YLPM1: variants seen among roughly 807,000 people sequenced by gnomAD.
The protein encoded by YLPM1 is YLP motif containing 1.
Under a neutral mutation model 230.0 loss-of-function variants are expected in YLPM1, and 99 were observed. That is an observed-to-expected ratio of 0.43 (90% CI 0.37 to 0.51). The LOEUF (loss-of-function observed/expected upper bound fraction) is 0.51. YLPM1 is among the 20% of genes least tolerant of loss of function. YLPM1 has a pLI of 0.00. For missense variants in YLPM1, 2,592 were observed against 2,707.7 expected (o/e 0.96, Z 0.95); for synonymous variants, 984 against 942.5 (o/e 1.04, Z -0.81).
In YLPM1 at chr14:74,778,665, C is replaced by G; in HGVS notation, c.1092C>G (p.Leu364=). The change falls in exon 2 of 21, where the codon CTC becomes CTG. Residue 364 remains leucine (L), a synonymous_variant. Transcript: ENST00000325680. The stretch of plus-strand genomic sequence containing the variant: ...CAAATGAGGAAGTGCCACCTCCTCT[C>G]CCACCTGAGGAACCCCAGGTAACCA... ...PPPNEEVPPP[L]PPEEPQSEDP... 1 of 1,571,288 alleles carries G rather than the reference C, an allele frequency of 6.4e-7. No individual in the cohort carries two copies. Among genetic ancestry groups the G allele is most frequent in the Non-Finnish European group, 8.6e-7 (1 of 1,158,720 alleles).
At chr14:74,789,606 CTT>C (rs145215430) in intron 4 of YLPM1, among the ~76,000 whole-genome samples, 6 of 125,492 alleles carry the variant, frequency 4.8e-5, no homozygotes, top group Admixed American at 2.4e-4. Context: ...TCTTTCTTTT[CTT>C]TTTTTTTTTT....
intron 4 of YLPM1, among the ~76,000 whole-genome samples, chr14:74,791,718 C>T (rs2091208895): frequency 6.6e-6 from 1 of 152,198 alleles, no homozygotes; most frequent in Non-Finnish European, 1.5e-5. Flanking sequence ...TTAATTGTCT[C>T]ACTCTTCCTG....
chr14:74,783,548 T>C (rs2091116284), intron 4 of YLPM1, among the ~76,000 whole-genome samples: 1 of 152,172 alleles, frequency 6.6e-6, no homozygotes, highest in African/African-American at 2.4e-5. Flanking sequence ...GTTGCAGAAA[T>C]GGGATCATAC....
intron 18 of YLPM1, among the ~76,000 whole-genome samples, chr14:74,826,429 ATTAC>A (rs1566767352): frequency 6.6e-6 from 1 of 152,184 alleles, no homozygotes; most frequent in Non-Finnish European, 1.5e-5. Context: ...ACATTCTCCA[ATTAC>A]TCTTGGAAAA....
At chr14:74,769,610 A>C (rs2090953842) in intron 1 of YLPM1, among the ~76,000 whole-genome samples, 1 of 151,222 alleles carries the variant, frequency 6.6e-6, no homozygotes, top group South Asian at 2.1e-4. Context: ...TTTTTAGTAC[A>C]GAAGAGGTTT....
intron 1 of YLPM1, among the ~76,000 whole-genome samples, chr14:74,775,009 A>G (rs1339888847): frequency 1.3e-5 from 2 of 152,240 alleles, no homozygotes; most frequent in African/African-American, 4.8e-5. Flanking sequence ...TCACACCACC[A>G]TAAAGTCGAA....
chr14:74,771,512 C>T (rs2090975862), intron 1 of YLPM1, among the ~76,000 whole-genome samples: 1 of 152,026 alleles, frequency 6.6e-6, no homozygotes, highest in Non-Finnish European at 1.5e-5. Flanking sequence ...TACTTTGGCA[C>T]CAGTGTGATA....
Position 74,835,380 on chromosome 14 carries a change from A to T in YLPM1, c.6410A>T (p.Glu2137Val), listed in dbSNP as rs765617852. The T allele has an allele frequency of 1.9e-6, 3 of 1,613,660 alleles. No homozygotes were observed. Among genetic ancestry groups the T allele is most frequent in the South Asian group, 1.1e-5 (1 of 91,070 alleles). ...KITDESGHLA[E>V]KALNRTKYI Reference sequence around the variant, plus strand: ...ACAGATGAAAGTGGTCACCTGGCTGAAAAAGCCCTCAATCGAACCAAATAT... The same window carrying T: ...ACAGATGAAAGTGGTCACCTGGCTGTAAAAGCCCTCAATCGAACCAAATAT... Residue 2137 changes from glutamate (E) to valine (V), a missense_variant, in exon 20 of 21, where the codon GAA (glutamate) becomes GTA (valine). This residue lies in a region of YLPM1 where 315 missense variants were observed against 429.3 expected (regional missense o/e 0.73). Transcript: ENST00000325680.
At chr14:74,766,503 G>A (rs1476548661) in intron 1 of YLPM1, among the ~76,000 whole-genome samples, 1 of 151,992 alleles carries the variant, frequency 6.6e-6, no homozygotes, top group African/African-American at 2.4e-5. Flanking sequence ...TATATATTGA[G>A]ACAGGGTCTT....
In YLPM1 at chr14:74,798,102, C is replaced by T. The variant is rs765242229; in HGVS notation, c.2805C>T (p.Ile935=). ...ATGTTCAAAGTATGGAGACTCAAATCGACAAAGCCCAAGCTGTTACTCAGC... is the reference window on the plus strand; with the variant it reads ...ATGTTCAAAGTATGGAGACTCAAATTGACAAAGCCCAAGCTGTTACTCAGC... The part of the protein sequence containing the change: ...DQNVQSMETQ[I]DKAQAVTQPV... The change falls in exon 5 of 21, where the codon ATC becomes ATT. Residue 935 remains isoleucine, a synonymous_variant. Coordinates refer to ENST00000325680, the MANE Select transcript of YLPM1 (RefSeq NM_019589.3). 1.1e-5 allele frequency: 17 copies of T among 1,613,912 alleles called. No individual in the cohort carries two copies. Among genetic ancestry groups the T allele is most frequent in the East Asian group, 4.5e-5 (2 of 44,872 alleles).
intron 1 of YLPM1, among the ~76,000 whole-genome samples, chr14:74,769,457 T>C (rs1158801241): frequency 1.3e-5 from 2 of 151,594 alleles, no homozygotes; most frequent in Admixed American, 6.6e-5. Context: ...TGGCTAATTT[T>C]TGTATTTTTA....
chr14:74,794,531 A>T (rs1270314566), intron 4 of YLPM1, among the ~76,000 whole-genome samples: 1 of 151,952 alleles, frequency 6.6e-6, no homozygotes. Flanking sequence ...AGATTTTCAC[A>T]CCTAACATGA....
At chr14:74,781,242 G>T in intron 3 of YLPM1, 92 bp from the exon 4 acceptor site, 1 of 1,364,552 alleles carries the variant, frequency 7.3e-7, no homozygotes, top group Non-Finnish European at 9.7e-7. Context: ...ATTTCCTAAA[G>T]CGTCAAATGC....
intron 4 of YLPM1, among the ~76,000 whole-genome samples, chr14:74,782,704 T>TA (rs1192197726): frequency 6.6e-6 from 1 of 152,192 alleles, no homozygotes; most frequent in Non-Finnish European, 1.5e-5. Flanking sequence ...TGTTAGTTGT[T>TA]AGAGATAAAG....
At chr14:74,795,363 G>A (rs2091249530) in intron 4 of YLPM1, among the ~76,000 whole-genome samples, 1 of 152,116 alleles carries the variant, frequency 6.6e-6, no homozygotes, top group South Asian at 2.1e-4. Context: ...ACAGGGATAG[G>A]AAATAAATAT....
rs548274442 is a variant in YLPM1 at position 74,780,293 on chromosome 14, A to G, written c.1111-112A>G. 3.0e-6 allele frequency: 4 copies of G among 1,322,366 alleles called. No individual in the cohort carries two copies. The Admixed American group carries it at 8.2e-5, about 27-fold the overall frequency. 81.9% of individuals were successfully genotyped at this position (1,322,366 alleles called of 1,614,324 possible). A position where few individuals can be genotyped will look rare whatever the true frequency, so the allele number is the denominator to read the frequency against. ...AAAAGAACTGAAGATACTGTGTTTGACAGTTGGATATTTCTGAGTTGTAGG... is the reference window on the plus strand; with the variant it reads ...AAAAGAACTGAAGATACTGTGTTTGGCAGTTGGATATTTCTGAGTTGTAGG... On this transcript the variant is annotated intron_variant, in intron 2 of 20. Transcript: ENST00000325680.
chr14:74,816,251 GC>G lies in YLPM1; in HGVS notation c.5552del (p.Ala1851GlufsTer9). ...ACCTGGCAGTGGAAAGACACATGTT[GC>G]AAAACTTATTCGAGTGAGTATGGGG... Reference protein sequence around the residue: ...GLPGSGKTHVAKLIRDKEVEF... With the variant: ...GLPGSGKTHVXKLIRDKEVEF... On this transcript the variant is annotated frameshift_variant, in exon 12 of 21. Transcript: ENST00000325680. LOFTEE classifies it high-confidence loss of function. 1 of 1,611,224 alleles carries G rather than the reference GC, an allele frequency of 6.2e-7. No individual in the cohort carries two copies. The highest frequency in any genetic ancestry group is 8.5e-7 in the Non-Finnish European group (1 of 1,178,968).
rs899348184 is a variant in YLPM1 at position 74,835,594 on chromosome 14, T to A, written c.*36+147T>A. ...AGTAAGTATGTACTAGTTGTTAACA[T>A]TTACAATACTATTAGAAAAGGAAGC... On this transcript the variant is annotated intron_variant, in intron 20 of 20. Coordinates refer to ENST00000325680, the MANE Select transcript of YLPM1 (RefSeq NM_019589.3). The A allele has an allele frequency of 3.2e-5, 23 of 718,718 alleles. No individual in the cohort carries two copies. In the African/African-American group the frequency reaches 4.1e-4, roughly 13 times the overall value. 44.5% of individuals were successfully genotyped at this position (718,718 alleles called of 1,614,324 possible). A position where few individuals can be genotyped will look rare whatever the true frequency, so the allele number is the denominator to read the frequency against.
rs760284725 is a variant in YLPM1, at chr14:74,798,421, G to T, written c.3124G>T (p.Gly1042Cys). The T allele has an allele frequency of 1.2e-6, 2 of 1,613,974 alleles. No homozygotes were observed. The highest frequency in any genetic ancestry group is 4.5e-5 in the East Asian group (2 of 44,880). ...TAAAGGTCTAGTAAACAGAGGTCGC[G>T]GCCAGGCAATCAGTCGAGGCCCAGG... ...RDKGLVNRGR[G>C]QAISRGPGLV... The change falls in exon 5 of 21, where the codon GGC becomes TGC. Residue 1042 changes from glycine to cysteine, a missense_variant. Transcript: ENST00000325680.
Sources: allele counts gnomAD v4.1 joint callset (sites outside exome capture counted in the v4.1 genomes callset), GRCh38; gene constraint gnomAD v4.1.1; regional missense constraint gnomAD v4.1.1; transcripts MANE v1.5; gene names NCBI Gene and HGNC (gene_info 2026-07-23, HGNC 2026-07-21).